Variants in TTLL7 observed in about 807,000 individuals in gnomAD.
TTLL7 encodes the protein tubulin tyrosine ligase like 7.
Under a neutral mutation model 120.2 loss-of-function variants are expected in TTLL7, and 53 were observed. The ratio of observed to expected loss-of-function variants is 0.44; its 90% CI spans 0.35 to 0.55. The LOEUF is 0.55. Among genes scored for constraint, TTLL7 ranks in the 20% least tolerant of loss-of-function variants. TTLL7 has a pLI of 0.00. For missense variants in TTLL7, 803 were observed against 1,054.7 expected, an observed-to-expected ratio of 0.76 and a Z score of 3.31; for synonymous variants, 353 against 351.7, an observed-to-expected ratio of 1.00 and a Z score of -0.04.
chr1:83,995,509 C>G lies in TTLL7; in HGVS notation c.-177+3422G>C, dbSNP rs553509371. 2.0e-5 allele frequency among the ~76,000 whole-genome samples: 3 copies of G among 152,034 alleles called. No individual in the cohort carries two copies. In the East Asian group the frequency reaches 5.8e-4, roughly 29 times the overall value. ...TATGTGACGTGCCTGCTCCCCCTTC[C>G]CCTTCAACATGATTGGACGCTTCCT... On this transcript the variant is annotated intron_variant, in intron 1 of 20. Transcript: ENST00000260505.
At chr1:83,960,546 G>A (rs1417574043) in intron 1 of TTLL7, among the ~76,000 whole-genome samples, 1 of 152,124 alleles carries the variant, frequency 6.6e-6, no homozygotes, top group East Asian at 1.9e-4. Context: ...TCAAGAGAAG[G>A]CTTGCAGACA....
chr1:83,885,241 G>C (rs1334226596), intron 19 of TTLL7: 1 of 152,966 alleles, frequency 6.5e-6, no homozygotes, highest in Non-Finnish European at 1.5e-5. Context: ...CTGGGATTTT[G>C]GGTATGTCTA....
chr1:83,953,644 T>C (rs1376840275), intron 1 of TTLL7, among the ~76,000 whole-genome samples: 1 of 152,156 alleles, frequency 6.6e-6, no homozygotes, highest in Non-Finnish European at 1.5e-5. Flanking sequence ...TTTATTTCAT[T>C]AACAAACTTT....
chr1:83,927,267 A>G (rs1659211820), intron 10 of TTLL7, among the ~76,000 whole-genome samples: 1 of 152,214 alleles, frequency 6.6e-6, no homozygotes, highest in Non-Finnish European at 1.5e-5. Flanking sequence ...AGGAGCTTAA[A>G]TCTAATTGAA....
At chr1:83,897,350 C>A (rs1482365795) in intron 18 of TTLL7, among the ~76,000 whole-genome samples, 3 of 152,022 alleles carry the variant, frequency 2.0e-5, no homozygotes, top group Admixed American at 1.3e-4. Flanking sequence ...CTGTTGAATG[C>A]ATGATTAAGT....
At chr1:83,988,670 G>C (rs1161913372) in intron 1 of TTLL7, among the ~76,000 whole-genome samples, 1 of 151,850 alleles carries the variant, frequency 6.6e-6, no homozygotes, top group East Asian at 1.9e-4. Flanking sequence ...TTGTTAGCCA[G>C]TTGTCCATCT....
At position 83,883,067 on chromosome 1, in the gene TTLL7, C is replaced by A; in HGVS notation, c.2439G>T (p.Gln813His). The A allele has an allele frequency of 6.2e-7, 1 of 1,612,546 alleles. No homozygotes were observed. The highest frequency in any genetic ancestry group is 8.5e-7 in the Non-Finnish European group (1 of 1,179,130). Residue 813 changes from glutamine to histidine, a missense_variant, in exon 20 of 21, where the codon CAG becomes CAT. By Grantham distance (24) the Gln-to-His change is conservative (BLOSUM62 0). Transcript: ENST00000260505. ...VVTPLQLQCCQRLVELCKQCL... is the reference protein window; with the variant it reads ...VVTPLQLQCCHRLVELCKQCL... ...ACTGTTTACAAAGCTCCACTAGGCG[C>A]TGGCAACACTGGAGCTGCAAAGGAG...
intron 18 of TTLL7, among the ~76,000 whole-genome samples, chr1:83,892,423 T>A (rs867673936): frequency 1.0e-4 from 14 of 135,480 alleles, no homozygotes; most frequent in East Asian, 2.0e-4. Flanking sequence ...TGAACATATA[T>A]ATGAACATAT....
chr1:83,914,426 C>T (rs756679148), intron 14 of TTLL7, among the ~76,000 whole-genome samples: 2 of 147,782 alleles, frequency 1.4e-5, no homozygotes, highest in Non-Finnish European at 3.0e-5. Context: ...CTGCCTCCCA[C>T]GTTCAAGCAA....
chr1:83,884,666 T>A (rs1464079539), intron 19 of TTLL7, among the ~76,000 whole-genome samples: 2 of 136,666 alleles, frequency 1.5e-5, no homozygotes, highest in East Asian at 2.1e-4. Context: ...AGGTGGGAAT[T>A]GAACAATGAG....
intron 18 of TTLL7, among the ~76,000 whole-genome samples, chr1:83,893,539 G>GGCTA (rs1655961593): frequency 2.0e-5 from 1 of 49,550 alleles, no homozygotes; most frequent in Non-Finnish European, 3.5e-5. Context: ...CAAACATAAA[G>GGCTA]ACTAAAGACA....
At position 83,951,872 on chromosome 1, in the gene TTLL7, T is replaced by C. The variant is rs1484760282; in HGVS notation, c.130A>G (p.Asn44Asp). 4 of 1,612,032 alleles carry C rather than the reference T, an allele frequency of 2.5e-6. No homozygotes were observed. Among genetic ancestry groups the C allele is most frequent in the Non-Finnish European group, 3.4e-6 (4 of 1,179,462 alleles). ...ATTTCAAACTTTGTCCCGGCAACATTTGCTGTAATGGTTCCCTTCTTTTTC... is the reference window on the plus strand; with the variant it reads ...ATTTCAAACTTTGTCCCGGCAACATCTGCTGTAATGGTTCCCTTCTTTTTC... ...KKKKKGTITA[N>D]VAGTKFEIVR... Residue 44 changes from asparagine to aspartate, a missense_variant, in exon 3 of 21, where the codon AAT becomes GAT. Physicochemically the swap from Asn to Asp is conservative, Grantham distance 23. This residue lies in a region of TTLL7 where 91 missense variants were observed against 96.6 expected (regional missense o/e 0.94). Coordinates refer to ENST00000260505, the MANE Select transcript of TTLL7 (RefSeq NM_024686.6).
intron 8 of TTLL7, among the ~76,000 whole-genome samples, chr1:83,934,677 G>A (rs1176014890): frequency 6.6e-6 from 1 of 152,132 alleles, no homozygotes; most frequent in South Asian, 2.1e-4. Flanking sequence ...TTGCTCAGAA[G>A]ACACTGTCAT....
At chr1:83,910,402 A>G (rs79775528) in intron 15 of TTLL7, among the ~76,000 whole-genome samples, 6,170 of 152,208 alleles carry the variant, frequency 0.041, 149 homozygotes, top group Middle Eastern at 0.099. Context: ...TGGAGGCAGC[A>G]TCAGGAAGGG....
chr1:83,960,173 T>C (rs1438084515), intron 1 of TTLL7, among the ~76,000 whole-genome samples: 1 of 152,192 alleles, frequency 6.6e-6, no homozygotes, highest in Non-Finnish European at 1.5e-5. Flanking sequence ...TGTCTTTTTG[T>C]AAGTATTGTG....
chr1:83,988,130 G>A (rs1403428581), intron 1 of TTLL7, among the ~76,000 whole-genome samples: 1 of 152,172 alleles, frequency 6.6e-6, no homozygotes, highest in Non-Finnish European at 1.5e-5. Flanking sequence ...GTGAGAACAT[G>A]CAGTATTTGG....
At chr1:83,996,821 T>C (rs769657953) in intron 1 of TTLL7, among the ~76,000 whole-genome samples, 2 of 152,180 alleles carry the variant, frequency 1.3e-5, no homozygotes, top group Non-Finnish European at 2.9e-5. Flanking sequence ...CTGTCTCTGT[T>C]TTAAAATGTT....
intron 1 of TTLL7, among the ~76,000 whole-genome samples, chr1:83,960,568 T>A (rs1396002828): frequency 1.3e-5 from 2 of 152,026 alleles, no homozygotes; most frequent in African/African-American, 2.4e-5. Context: ...AAGAGCCAGT[T>A]TGAGGGGTGA....
chr1:83,985,961 T>C (rs971079656), intron 1 of TTLL7, among the ~76,000 whole-genome samples: 1 of 152,172 alleles, frequency 6.6e-6, no homozygotes, highest in African/African-American at 2.4e-5. Context: ...CAAGGTGGTT[T>C]TATTATGGGA....
Sources: gnomAD v4.1 joint callset for allele counts (sites outside exome capture counted in the v4.1 genomes callset) on GRCh38, gnomAD v4.1.1 for gene constraint, gnomAD v4.1.1 regional missense constraint, MANE v1.5 for transcripts, NCBI Gene and HGNC (gene_info 2026-07-23, HGNC 2026-07-21) for gene names.